Variants in NFXL1 observed in about 807,000 individuals in gnomAD.
The protein encoded by NFXL1 is NF-X1-type zinc finger protein NFXL1.
In NFXL1, 66 loss-of-function variants were observed where a neutral mutation model predicts 123.3. The observed-to-expected ratio is 0.54, with a 90% CI of 0.44 to 0.66. The LOEUF (loss-of-function observed/expected upper bound fraction) is 0.66. Ranked by LOEUF, NFXL1 falls within the 30% of genes least tolerant of loss-of-function variation. The pLI, the probability that NFXL1 is intolerant of heterozygous loss-of-function variation, is 0.00. For synonymous variants in NFXL1, 346 were observed against 360.8 expected (o/e 0.96, Z 0.46); for missense variants, 944 against 1,125.6 (o/e 0.84, Z 2.31).
chr4:47,857,388 A>C (rs534242953), intron 19 of NFXL1, among the ~76,000 whole-genome samples: 1 of 152,328 alleles, frequency 6.6e-6, no homozygotes, highest in South Asian at 2.1e-4. Flanking sequence ...GATTCAATAA[A>C]GGAAGACCTT....
At chr4:47,887,575 A>G (rs1736516216) in intron 12 of NFXL1, among the ~76,000 whole-genome samples, 1 of 152,072 alleles carries the variant, frequency 6.6e-6, no homozygotes, top group African/African-American at 2.4e-5. Context: ...TTTTATTTTT[A>G]TTTTACCTAA....
chr4:47,910,892 T>C lies in NFXL1; in HGVS notation c.338A>G (p.Asp113Gly), dbSNP rs1356420437. 1 of 1,603,260 alleles carries C rather than the reference T, an allele frequency of 6.2e-7. No homozygotes were observed. Among genetic ancestry groups the C allele is most frequent in the Non-Finnish European group, 8.5e-7 (1 of 1,174,810 alleles). The change falls in exon 3 of 23, where the codon GAT becomes GGT. Residue 113 changes from aspartate to glycine, a missense_variant. Coordinates refer to ENST00000507489, the MANE Select transcript of NFXL1 (RefSeq NM_001278624.2). ...TCCCTGTTTTCCTTCAAAATCTTCA[T>C]CTCCTTCTTCAGATGAAGAGCTAAA... The part of the protein sequence containing the change: ...EQFSSSSEEG[D>G]EDFEGKQGKI...
Position 47,905,363 on chromosome 4 carries a change from T to G in NFXL1, c.407-17A>C. On this transcript the variant is annotated splice_polypyrimidine_tract_variant and intron_variant, in intron 3 of 22. Transcript: ENST00000507489. ...TATCTCCATCTGGAAATTTAAAGATTGAAAATCTCACCCTAAACAACATCT... is the reference window on the plus strand; with the variant it reads ...TATCTCCATCTGGAAATTTAAAGATGGAAAATCTCACCCTAAACAACATCT... 8.0e-7 allele frequency: 1 copy of G among 1,249,850 alleles called. No individual in the cohort carries two copies. The highest frequency in any genetic ancestry group is 1.2e-6 in the Non-Finnish European group (1 of 855,644). 77.4% of individuals were successfully genotyped at this position (1,249,850 alleles called of 1,614,324 possible).
rs1189292428 is a variant in NFXL1, at chr4:47,877,331, C to T, written c.2079+1194G>A. On this transcript the variant is annotated intron_variant, in intron 17 of 22. Transcript: ENST00000507489. The stretch of plus-strand genomic sequence containing the variant: ...AGTTCTATCTTCTAGGAAAGACTAT[C>T]TTAGTTAAGAAATACAGCAAGTCCA... 2.0e-5 allele frequency: 7 copies of T among 353,704 alleles called. No homozygotes were observed. The East Asian group carries it at 5.1e-4, about 26-fold the overall frequency. The allele number at this position is 353,704 out of a possible 1,614,324, so 21.9% of individuals were successfully genotyped here. A position where few individuals can be genotyped will look rare whatever the true frequency, so the allele number is the denominator to read the frequency against.
At chr4:47,857,454 T>G (rs1734476992) in intron 19 of NFXL1, among the ~76,000 whole-genome samples, 1 of 152,230 alleles carries the variant, frequency 6.6e-6, no homozygotes. Context: ...ATCAGTATTC[T>G]GTTGCGCTGG....
intron 2 of NFXL1, among the ~76,000 whole-genome samples, chr4:47,912,307 GATA>G (rs2110111529): frequency 6.6e-6 from 1 of 152,250 alleles, no homozygotes; most frequent in African/African-American, 2.4e-5. Flanking sequence ...ACTGGACAGA[GATA>G]ATGAGAACAT....
intron 18 of NFXL1, among the ~76,000 whole-genome samples, chr4:47,873,639 G>T (rs202069676): frequency 7.2e-5 from 11 of 152,150 alleles, no homozygotes; most frequent in African/African-American, 2.4e-4. Context: ...TGTCATCCAG[G>T]CTTTGTTGTT....
chr4:47,893,912 CAGTGATCAGAAAT>C (rs11269248), intron 11 of NFXL1, among the ~76,000 whole-genome samples: 52,770 of 132,328 alleles, frequency 0.4, 9,613 homozygotes, highest in East Asian at 0.59. Context: ...TCATACATTT[CAGTGATCAGAAAT>C]AGTGATCAGA....
intron 5 of NFXL1, among the ~76,000 whole-genome samples, chr4:47,902,705 A>G (rs1737401018): frequency 6.6e-6 from 1 of 152,240 alleles, no homozygotes; most frequent in South Asian, 2.1e-4. Flanking sequence ...AGTTATCAAA[A>G]GGAACTAGTA....
chr4:47,880,408 A>AG (rs1412905441), intron 15 of NFXL1, among the ~76,000 whole-genome samples: 2 of 146,402 alleles, frequency 1.4e-5, no homozygotes. Context: ...CCTGGGTGAC[A>AG]GAACTGAGAT....
chr4:47,900,211 T>C (rs1002722802), intron 5 of NFXL1, among the ~76,000 whole-genome samples: 7 of 149,482 alleles, frequency 4.7e-5, no homozygotes, highest in Admixed American at 4.7e-4. Flanking sequence ...CATATAATTC[T>C]TTTTTTTTTC....
intron 9 of NFXL1, 152 bp from the exon 10 acceptor site, chr4:47,896,799 T>G: frequency 3.5e-6 from 2 of 568,724 alleles, no homozygotes; most frequent in Non-Finnish European, 6.2e-6. Flanking sequence ...TTAACTTTAA[T>G]GAAAATAATC....
intron 19 of NFXL1, among the ~76,000 whole-genome samples, chr4:47,859,719 G>A (rs920662495): frequency 7.9e-5 from 12 of 151,258 alleles, no homozygotes; most frequent in Admixed American, 1.3e-4. Flanking sequence ...GCGGGCGCCT[G>A]TAATCTCAGC....
At chr4:47,908,095 G>A (rs1449240449) in intron 3 of NFXL1, among the ~76,000 whole-genome samples, 2 of 152,276 alleles carry the variant, frequency 1.3e-5, no homozygotes, top group East Asian at 3.9e-4. Flanking sequence ...GTGTTGGGAA[G>A]GGAAAGGTGA....
chr4:47,871,844 T>C (rs574207748), intron 18 of NFXL1, among the ~76,000 whole-genome samples: 2 of 152,260 alleles, frequency 1.3e-5, no homozygotes, highest in South Asian at 2.1e-4. Context: ...TTAGCTAATA[T>C]GAACAGGAAT....
Position 47,914,139 on chromosome 4 carries a change from G to A in NFXL1, c.65C>T (p.Ala22Val). The change falls in exon 2 of 23, where the codon GCC becomes GTC. Residue 22 changes from alanine (A) to valine (V), a missense_variant. Physicochemically the swap from Ala to Val is moderately conservative, Grantham distance 64 (BLOSUM62 0). Around this residue, in one of 4 missense-constraint regions of NFXL1, gnomAD observed 303 missense variants for 292.1 expected, o/e 1.04. Coordinates refer to ENST00000507489, the MANE Select transcript of NFXL1 (RefSeq NM_001278624.2). ...GAGATGGACTCCATTTCCTGAGGGGGCGGCAGTGGCCCGTCCCCGGGATCG... is the reference window on the plus strand; with the variant it reads ...GAGATGGACTCCATTTCCTGAGGGGACGGCAGTGGCCCGTCCCCGGGATCG... ...RGRSRGRATAAPSGNGVHLRG... is the reference protein window; with the variant it reads ...RGRSRGRATAVPSGNGVHLRG... 1 of 1,554,154 alleles carries A rather than the reference G, an allele frequency of 6.4e-7. No individual in the cohort carries two copies. Among genetic ancestry groups the A allele is most frequent in the Non-Finnish European group, 8.7e-7 (1 of 1,149,250 alleles).
At chr4:47,884,324 T>A in intron 15 of NFXL1, 22 bp downstream of exon 15, 1 of 1,388,984 alleles carries the variant, frequency 7.2e-7, no homozygotes, top group South Asian at 1.2e-5. Flanking sequence ...TTTTTTTTTT[T>A]AATTGAAATT....
At chr4:47,898,167 C>G (rs1333678622) in intron 8 of NFXL1, 86 bp from the exon 9 acceptor site, 1 of 723,302 alleles carries the variant, frequency 1.4e-6, no homozygotes, top group East Asian at 2.8e-5. Flanking sequence ...ATTTTTCAAT[C>G]ACAAATAAAC....
chr4:47,860,012 A>G (rs1734663935), intron 19 of NFXL1, among the ~76,000 whole-genome samples: 1 of 152,104 alleles, frequency 6.6e-6, no homozygotes, highest in Non-Finnish European at 1.5e-5. Context: ...ATGTTAGTCA[A>G]AGTATACAAA....
Sources: allele counts gnomAD v4.1 joint callset (sites outside exome capture counted in the v4.1 genomes callset), GRCh38; gene constraint gnomAD v4.1.1; regional missense constraint gnomAD v4.1.1; transcripts MANE v1.5; gene names NCBI Gene and HGNC (gene_info 2026-07-23, HGNC 2026-07-21).